The following AHI1 variants were observed in gnomAD, a reference collection of about 807,000 sequenced individuals.
AHI1 encodes jouberin.
Under a neutral mutation model 149.3 loss-of-function variants are expected in AHI1, and 123 were observed. The ratio of observed to expected loss-of-function variants is 0.82; its 90% CI spans 0.71 to 0.96. The LOEUF is 0.96. AHI1 is among the 40% of genes least tolerant of loss of function. The probability of loss-of-function intolerance (pLI) is 0.00; values close to 1 mark genes in which losing one functional copy is unlikely to be tolerated. For missense variants in AHI1, 1,439 were observed against 1,422.7 expected (o/e 1.01, Z -0.18); for synonymous variants, 475 against 459.8 (o/e 1.03, Z -0.42).
chr6:135,290,523 G>A lies in AHI1; in HGVS notation c.3488C>T (p.Ser1163Phe). 1.2e-6 allele frequency: 2 copies of A among 1,613,408 alleles called. No individual in the cohort carries two copies. The highest frequency in any genetic ancestry group is 2.2e-5 in the South Asian group (2 of 91,052). ...FRLGSESMTH[S>F]EMRKEQSHED... is the part of the protein sequence containing the mutation. ...ATGGCTCTGTTCTTTTCTCATTTCA[G>A]AACTATAGGAGGGAAAGATCAGAAA... is the stretch of plus-strand genomic sequence containing the variant. Residue 1163 changes from serine (S) to phenylalanine (F), a missense_variant and splice_region_variant, in exon 28 of 29, where the codon TCT becomes TTT. Physicochemically the swap from Ser to Phe is radical, Grantham distance 155. Coordinates refer to ENST00000265602, the MANE Select transcript of AHI1 (RefSeq NM_001134831.2).
chr6:135,328,189 T>C (rs532755960), intron 24 of AHI1, among the ~76,000 whole-genome samples: 1 of 152,318 alleles, frequency 6.6e-6, no homozygotes, highest in Admixed American at 6.5e-5. Flanking sequence ...TACATCTAGC[T>C]GGTCATGGAA....
intron 20 of AHI1, among the ~76,000 whole-genome samples, chr6:135,411,920 C>T (rs1406517337): frequency 6.6e-6 from 1 of 151,918 alleles, no homozygotes; most frequent in African/African-American, 2.4e-5. Flanking sequence ...ATTTCTGTAC[C>T]CTTCTTAATT....
intron 5 of AHI1, among the ~76,000 whole-genome samples, chr6:135,480,854 T>G (rs186226836): frequency 6.6e-6 from 1 of 152,186 alleles, no homozygotes; most frequent in Non-Finnish European, 1.5e-5. Flanking sequence ...CAGCATTAGA[T>G]TCTCATAGGA....
intron 26 of AHI1, chr6:135,300,914 C>T (rs114365099): frequency 1.0e-6 from 1 of 1,000,152 alleles, no homozygotes; most frequent in Non-Finnish European, 1.2e-6. Context: ...TTTTAGCCTG[C>T]ATCTTTCCTT....
intron 23 of AHI1, among the ~76,000 whole-genome samples, chr6:135,377,245 AT>A (rs940491136): frequency 4.6e-5 from 7 of 152,132 alleles, no homozygotes; most frequent in African/African-American, 1.7e-4. Flanking sequence ...TAGGGGTTTT[AT>A]TTTACATTTT....
rs1452411252 is a variant in AHI1, at chr6:135,377,480, T to TATTTA, written c.3109+17291_3109+17295dup. On this transcript the variant is annotated intron_variant, in intron 23 of 28. Transcript: ENST00000265602. Reference sequence around the variant, plus strand: ...GCTTTGAGTTATTTATTTATTTATTTATTTATTTATTTATTTATGATACAG... The same window carrying TATTTA: ...GCTTTGAGTTATTTATTTATTTATTTATTTAATTTATTTATTTATTTATGATACAG... Among the ~76,000 whole-genome samples the TATTTA allele has an allele frequency of 4.6e-5, 7 of 151,742 alleles. No individual in the cohort carries two copies. In the East Asian group the frequency reaches 1.4e-3, roughly 29 times the overall value.
intron 24 of AHI1, among the ~76,000 whole-genome samples, chr6:135,329,131 G>T (rs1204971408): frequency 6.6e-6 from 1 of 152,236 alleles, no homozygotes; most frequent in Non-Finnish European, 1.5e-5. Context: ...AAGTGCTGAG[G>T]TACAAGCTGC....
chr6:135,300,532 C>T lies in AHI1; in HGVS notation c.3453G>A (p.Gln1151=), dbSNP rs765545542. 3.1e-6 allele frequency: 5 copies of T among 1,608,526 alleles called. No individual in the cohort carries two copies. In the South Asian group the frequency reaches 5.6e-5, roughly 18 times the overall value. ...QKQSINKNKS[Q]DFRLGSESMT... ...TAGATTCTGAGCCTAGTCTGAAGTC[C>T]TGGGACTTGTTCTTATTGATTGATT... is the stretch of plus-strand genomic sequence containing the variant. Residue 1151 remains glutamine (Q), a synonymous_variant, in exon 27 of 29, where the codon CAG becomes CAA. Transcript: ENST00000265602.
At chr6:135,443,405 T>C (rs1454276271) in intron 13 of AHI1, among the ~76,000 whole-genome samples, 1 of 152,220 alleles carries the variant, frequency 6.6e-6, no homozygotes, top group East Asian at 1.9e-4. Flanking sequence ...TTCTTCTGTT[T>C]CTTATAATTC....
rs1193077656 is a variant in AHI1 at position 135,457,722 on chromosome 6, A to G, written c.932-9T>C. 1 of 1,610,078 alleles carries G rather than the reference A, an allele frequency of 6.2e-7. No homozygotes were observed. The highest frequency in any genetic ancestry group is 8.5e-7 in the Non-Finnish European group (1 of 1,176,572). On this transcript the variant is annotated splice_polypyrimidine_tract_variant and intron_variant, in intron 8 of 28. Transcript: ENST00000265602. ...TTCATTATTATCTGCAACTACACGC[A>G]TGGAAAAAAAAATCAATGTTATAAT...
chr6:135,394,495 C>A (rs1778941163), intron 23 of AHI1, among the ~76,000 whole-genome samples: 1 of 151,970 alleles, frequency 6.6e-6, no homozygotes, highest in Non-Finnish European at 1.5e-5. Flanking sequence ...GAAACTGAAT[C>A]AGATTTAACA....
At chr6:135,360,787 G>A (rs531444323) in intron 23 of AHI1, among the ~76,000 whole-genome samples, 1 of 152,138 alleles carries the variant, frequency 6.6e-6, no homozygotes, top group East Asian at 1.9e-4. Flanking sequence ...AATGAACTCA[G>A]GAATATATAG....
intron 28 of AHI1, among the ~76,000 whole-genome samples, chr6:135,286,798 C>T (rs975554205): frequency 6.6e-5 from 10 of 152,198 alleles, no homozygotes; most frequent in South Asian, 6.2e-4. Context: ...CCCAAAAATA[C>T]GTTCTAGTGA....
At chr6:135,341,498 T>C (rs1429555906) in intron 24 of AHI1, among the ~76,000 whole-genome samples, 2 of 152,038 alleles carry the variant, frequency 1.3e-5, no homozygotes, top group Non-Finnish European at 2.9e-5. Flanking sequence ...TAGATGTCTA[T>C]AGGATGCTTC....
chr6:135,494,129 A>G (rs184525438), intron 3 of AHI1, among the ~76,000 whole-genome samples: 42 of 152,392 alleles, frequency 2.8e-4, no homozygotes, highest in African/African-American at 9.6e-4. Flanking sequence ...TAGTAGTATC[A>G]TTACACTGTA....
intron 7 of AHI1, among the ~76,000 whole-genome samples, chr6:135,464,483 G>GTGTA (rs1790427211): frequency 6.6e-6 from 1 of 152,168 alleles, no homozygotes; most frequent in Non-Finnish European, 1.5e-5. Flanking sequence ...TCATGTCTTT[G>GTGTA]TGTAATCCCC....
At chr6:135,312,897 G>A (rs1477698733) in intron 26 of AHI1, among the ~76,000 whole-genome samples, 1 of 152,090 alleles carries the variant, frequency 6.6e-6, no homozygotes, top group African/African-American at 2.4e-5. Context: ...CTTTATCACA[G>A]ACGACTTTTC....
At chr6:135,441,983 G>C (rs757476757) in intron 14 of AHI1, among the ~76,000 whole-genome samples, 7 of 152,080 alleles carry the variant, frequency 4.6e-5, no homozygotes, top group Non-Finnish European at 7.4e-5. Context: ...ACAAGGAGCT[G>C]GCTACTTCTG....
intron 23 of AHI1, among the ~76,000 whole-genome samples, chr6:135,367,157 T>C (rs1774306006): frequency 6.6e-6 from 1 of 152,178 alleles, no homozygotes; most frequent in Admixed American, 6.5e-5. Context: ...TGGCTGATGA[T>C]TGTTTTGTTT....
Sources: gnomAD v4.1 joint callset for allele counts (sites outside exome capture counted in the v4.1 genomes callset) on GRCh38, gnomAD v4.1.1 for gene constraint, MANE v1.5 for transcripts, NCBI Gene and HGNC (gene_info 2026-07-23, HGNC 2026-07-21) for gene names.